KLF8: variants seen among roughly 807,000 people sequenced by gnomAD.
KLF8 encodes the protein Krueppel-like factor 8.
In KLF8, 10 loss-of-function variants were observed where a neutral mutation model predicts 18.2. The observed-to-expected ratio is 0.55, with a 90% CI of 0.34 to 0.93. The LOEUF is 0.93. Among genes scored for constraint, KLF8 ranks in the 40% least tolerant of loss-of-function variants. The probability of loss-of-function intolerance (pLI) is 0.02; values close to 1 mark genes in which losing one functional copy is unlikely to be tolerated. For missense variants in KLF8, 264 were observed against 277.9 expected (o/e 0.95, Z 0.36); for synonymous variants, 109 against 97.3 (o/e 1.12, Z -0.71).
chrX:56,100,990 CA>C, the KLF8 span, among the ~76,000 whole-genome samples: 2 of 111,460 alleles, frequency 1.8e-5, no homozygotes, highest in Non-Finnish European at 1.9e-5. Flanking sequence ...ATTTTACATT[CA>C]GGGGGTACTT....
intron 5 of KLF8, among the ~76,000 whole-genome samples, chrX:56,280,915 C>G (rs1440220674): frequency 8.9e-6 from 1 of 111,950 alleles, no homozygotes; most frequent in Non-Finnish European, 1.9e-5. Flanking sequence ...AAATAGATTA[C>G]CCCAGTAGGC....
the KLF8 span, among the ~76,000 whole-genome samples, chrX:55,912,114 G>GCATCAC: frequency 3.6e-5 from 4 of 111,368 alleles, no homozygotes; most frequent in African/African-American, 6.5e-5. Flanking sequence ...AGCAGCATCA[G>GCATCAC]CATCACCAGG....
the KLF8 span, among the ~76,000 whole-genome samples, chrX:56,104,693 G>GT: frequency 2.7e-5 from 3 of 111,174 alleles, no homozygotes; most frequent in African/African-American, 9.8e-5. Context: ...TTTTTGAAGG[G>GT]TTTTTTGTGT....
the KLF8 span, among the ~76,000 whole-genome samples, chrX:55,926,570 A>G: frequency 1.8e-5 from 2 of 111,192 alleles, no homozygotes; most frequent in Non-Finnish European, 3.8e-5. Context: ...TGTTGGGAAT[A>G]TGATAATTTA....
chrX:56,127,123 C>T, the KLF8 span, among the ~76,000 whole-genome samples: 1 of 111,124 alleles, frequency 9.0e-6, no homozygotes, highest in South Asian at 3.8e-4. Context: ...CTGTGTAAAA[C>T]AGCAACACAC....
At chrX:55,919,704 C>A in the KLF8 span, among the ~76,000 whole-genome samples, 8 of 111,246 alleles carry the variant, frequency 7.2e-5, no homozygotes, top group African/African-American at 2.6e-4. Flanking sequence ...CCAGCCCCTA[C>A]AGCAGCCACA....
the KLF8 span, among the ~76,000 whole-genome samples, chrX:55,987,249 T>G: frequency 9.1e-6 from 1 of 109,769 alleles, no homozygotes; most frequent in African/African-American, 3.3e-5. Flanking sequence ...GTGCACAATG[T>G]GCAGCTTTGT....
the KLF8 span, among the ~76,000 whole-genome samples, chrX:56,213,677 A>G: frequency 9.0e-6 from 1 of 110,992 alleles, no homozygotes; most frequent in South Asian, 3.9e-4. Context: ...TAGGTAACAT[A>G]CAGCTTAGTA....
the KLF8 span, among the ~76,000 whole-genome samples, chrX:56,094,503 C>G: frequency 9.0e-6 from 1 of 110,948 alleles, no homozygotes; most frequent in African/African-American, 3.3e-5. Flanking sequence ...AATAAAGTAA[C>G]CATTATAGTT....
At chrX:56,240,381 G>T (rs747177212) in intron 1 of KLF8, among the ~76,000 whole-genome samples, 8 of 111,972 alleles carry the variant, frequency 7.1e-5, no homozygotes, top group South Asian at 3.7e-4. Context: ...CAATTGTATT[G>T]TTACAAATTA....
chrX:56,191,090 G>A, the KLF8 span, among the ~76,000 whole-genome samples: 4 of 111,184 alleles, frequency 3.6e-5, no homozygotes, highest in East Asian at 8.4e-4. Flanking sequence ...ACAAAAAAGA[G>A]ATCCAAATAA....
chrX:56,239,114 G>T (rs1383295019), intron 1 of KLF8, among the ~76,000 whole-genome samples: 1 of 111,898 alleles, frequency 8.9e-6, no homozygotes, highest in Non-Finnish European at 1.9e-5. Context: ...CCCAATTATT[G>T]CTCATAGCCT....
At chrX:56,271,537 T>C (rs1480553499) in intron 5 of KLF8, among the ~76,000 whole-genome samples, 1 of 111,438 alleles carries the variant, frequency 9.0e-6, no homozygotes, top group Non-Finnish European at 1.9e-5. Context: ...AAACATCTGC[T>C]ATGTTACCTT....
At chrX:56,158,321 T>C in the KLF8 span, among the ~76,000 whole-genome samples, 778 of 111,787 alleles carry the variant, frequency 7.0e-3, 4 homozygotes, top group Non-Finnish European at 0.01. Context: ...AGTCAGGTAG[T>C]GTGATGCCTC....
the KLF8 span, among the ~76,000 whole-genome samples, chrX:56,062,145 G>A: frequency 1.8e-5 from 2 of 109,201 alleles, no homozygotes; most frequent in Non-Finnish European, 3.8e-5. Context: ...TTTAATTGAG[G>A]CATTCAGCCC....
chrX:56,187,754 C>G, the KLF8 span, among the ~76,000 whole-genome samples: 4 of 111,307 alleles, frequency 3.6e-5, no homozygotes, highest in East Asian at 1.1e-3. Context: ...AGCATATAAA[C>G]AGAACCAAAG....
chrX:56,078,142 C>G, the KLF8 span, among the ~76,000 whole-genome samples: 21 of 111,576 alleles, frequency 1.9e-4, no homozygotes, highest in Non-Finnish European at 3.6e-4. Flanking sequence ...TTTCCTTCTC[C>G]TGCCTAATTG....
chrX:55,937,757 T>C, the KLF8 span, among the ~76,000 whole-genome samples: 4 of 112,118 alleles, frequency 3.6e-5, no homozygotes, highest in Non-Finnish European at 7.5e-5. Flanking sequence ...TTTCATCAAC[T>C]GGAAGAAAGA....
At chrX:56,175,091 T>C in the KLF8 span, among the ~76,000 whole-genome samples, 1 of 111,678 alleles carries the variant, frequency 9.0e-6, no homozygotes, top group East Asian at 2.8e-4. Context: ...TTTGTCTCTA[T>C]TTCCTTCAGT....
Sources: gnomAD v4.1 joint callset for allele counts (sites outside exome capture counted in the v4.1 genomes callset) on GRCh38, gnomAD v4.1.1 for gene constraint, MANE v1.5 for transcripts, NCBI Gene and HGNC (gene_info 2026-07-23, HGNC 2026-07-21) for gene names.